DGKK: variants seen among roughly 807,000 people sequenced by gnomAD.
The protein encoded by DGKK is 142 kDa diacylglycerol kinase.
DGKK carries 35 observed loss-of-function variants against 92.2 expected under a neutral mutation model. The ratio of observed to expected loss-of-function variants is 0.38; its 90% CI spans 0.29 to 0.50. DGKK has a LOEUF of 0.50. DGKK is among the 20% of genes least tolerant of loss of function. The pLI, the probability that DGKK is intolerant of heterozygous loss-of-function variation, is 0.92. For synonymous variants in DGKK, 368 were observed against 360.6 expected (o/e 1.02, Z -0.23); for missense variants, 910 against 992.2 (o/e 0.92, Z 1.11).
chrX:50,383,462 A>G (rs5915425), intron 17 of DGKK, among the ~76,000 whole-genome samples: 28,498 of 111,307 alleles, frequency 0.26, 2,871 homozygotes, highest in Middle Eastern at 0.38. Context: ...TCTTAAATAA[A>G]TTATTTAAGA....
Position 50,376,844 on chromosome X carries a change from G to A in DGKK, c.3186C>T (p.Asp1062=). Residue 1062 remains aspartate (D), a synonymous_variant, in exon 23 of 28, where the codon GAC becomes GAT. Coordinates refer to ENST00000611977, the MANE Select transcript of DGKK (RefSeq NM_001013742.4). The stretch of plus-strand genomic sequence containing the variant: ...AGAGGCTCTCTTGAGAGTCCTGGAA[G>A]TCCAGCTGGGGTTGAGGGGCAGCTT... ...EIQAAPQPQL[D]FQDSQESLSD... 5 of 1,209,269 alleles carry A rather than the reference G, an allele frequency of 4.1e-6. No homozygotes were observed. Among genetic ancestry groups the A allele is most frequent in the Non-Finnish European group, 5.6e-6 (5 of 894,083 alleles).
chrX:50,417,251 T>C (rs921568881), intron 4 of DGKK, among the ~76,000 whole-genome samples: 1 of 110,203 alleles, frequency 9.1e-6, no homozygotes, highest in South Asian at 4.0e-4. Flanking sequence ...TTACAGTGAA[T>C]GTTGGAAAGT....
chrX:50,408,155 A>G (rs1557227462), intron 4 of DGKK, among the ~76,000 whole-genome samples: 1 of 111,821 alleles, frequency 8.9e-6, no homozygotes, highest in African/African-American at 3.2e-5. Context: ...TTGGTTCCAG[A>G]GGGTGGAGTT....
intron 4 of DGKK, among the ~76,000 whole-genome samples, chrX:50,414,085 T>C (rs1364527310): frequency 8.9e-6 from 1 of 112,067 alleles, no homozygotes; most frequent in African/African-American, 3.2e-5. Context: ...GAGGACATTA[T>C]GCTAAGTGAA....
Position 50,470,504 on chromosome X carries a change from G to T in DGKK, c.175C>A (p.Pro59Thr). ...GGACAGGGACCTGGAGCAAGCTCTG[G>T]ACAGGGCTCTGGTATGGGTTCTGGC... is the stretch of plus-strand genomic sequence containing the variant. ...ASPEPIPEPC[P>T]ELAPGPCPEA... The change falls in exon 1 of 28, where the codon CCA becomes ACA. Residue 59 changes from proline to threonine, a missense_variant. Pro to Thr is a conservative substitution (Grantham distance 38, BLOSUM62 -1). Transcript: ENST00000611977. 8.2e-7 allele frequency: 1 copy of T among 1,212,284 alleles called. No homozygotes were observed.
intron 16 of DGKK, 84 bp from the exon 17 acceptor site, chrX:50,384,348 G>T: frequency 1.6e-6 from 1 of 625,475 alleles, no homozygotes; most frequent in Non-Finnish European, 2.4e-6. Flanking sequence ...TATTTTCTCT[G>T]TGGAGGCAGG....
intron 1 of DGKK, among the ~76,000 whole-genome samples, chrX:50,446,383 G>T (rs1926307562): frequency 9.0e-6 from 1 of 111,210 alleles, no homozygotes; most frequent in Non-Finnish European, 1.9e-5. Flanking sequence ...GTAGCATTTG[G>T]TGTTGTCATT....
chrX:50,376,776 G>A lies in DGKK; in HGVS notation c.3254C>T (p.Ala1085Val). The A allele has an allele frequency of 8.4e-7, 1 of 1,192,930 alleles. No individual in the cohort carries two copies. The highest frequency in any genetic ancestry group is 1.1e-6 in the Non-Finnish European group (1 of 885,115). The change falls in exon 23 of 28, where the codon GCA becomes GTA. Residue 1085 changes from alanine to valine, a missense_variant. Coordinates refer to ENST00000611977, the MANE Select transcript of DGKK (RefSeq NM_001013742.4). ...CACTTACTTGCTGATGAGGTTTTCT[G>A]CAAGCCGAGCTAAGTGCTGCATCTG... is the stretch of plus-strand genomic sequence containing the variant. ...YAQMQHLARL[A>V]ENLISKLNDL... is the part of the protein sequence containing the mutation.
intron 4 of DGKK, among the ~76,000 whole-genome samples, chrX:50,416,296 A>C (rs1925433045): frequency 8.9e-6 from 1 of 112,169 alleles, no homozygotes. Context: ...TAGGGCAGCT[A>C]AGGGTACTTT....
chrX:50,441,179 T>A (rs782170690), intron 1 of DGKK, among the ~76,000 whole-genome samples: 5 of 111,606 alleles, frequency 4.5e-5, no homozygotes, highest in Non-Finnish European at 9.5e-5. Context: ...ACTGAAAACC[T>A]CATAAACTTT....
intron 27 of DGKK, 89 bp downstream of exon 27, chrX:50,370,337 C>T (rs1299570193): frequency 1.9e-6 from 2 of 1,073,126 alleles, no homozygotes; most frequent in Non-Finnish European, 2.5e-6. Context: ...TTCCCACAAA[C>T]ATTTCTAATG....
chrX:50,424,338 A>C lies in DGKK; in HGVS notation c.666T>G (p.Pro222=). The change falls in exon 2 of 28, where the codon CCT becomes CCG. Residue 222 remains proline (P), a synonymous_variant. Transcript: ENST00000611977. ...SRIKKILKEG[P]MLKNCNSFKR... ...TGAAAGAGTTACAGTTCTTCAGCAT[A>C]GGTCCTTCCTTCAATATTTTCTGAA... 1 of 1,210,025 alleles carries C rather than the reference A, an allele frequency of 8.3e-7. No homozygotes were observed. The highest frequency in any genetic ancestry group is 1.1e-6 in the Non-Finnish European group (1 of 894,063).
In DGKK at chrX:50,469,403, C is replaced by G. The variant is rs1380374347; in HGVS notation, c.645+631G>C. 2.7e-5 allele frequency among the ~76,000 whole-genome samples: 3 copies of G among 113,030 alleles called. No homozygotes were observed. The East Asian group carries it at 8.5e-4, about 32-fold the overall frequency. The stretch of plus-strand genomic sequence containing the variant: ...CACACGCATGCTCTCCCCCTCCTCC[C>G]GGAGAACCCTGCCCTTCCCCTGCAG... On this transcript the variant is annotated intron_variant, in intron 1 of 27. Transcript: ENST00000611977.
intron 4 of DGKK, among the ~76,000 whole-genome samples, chrX:50,411,301 G>A (rs1557227929): frequency 8.9e-6 from 1 of 111,978 alleles, no homozygotes; most frequent in African/African-American, 3.2e-5. Flanking sequence ...AAACACAGAT[G>A]CAAAAATCCT....
Position 50,403,057 on chromosome X carries a change from T to G in DGKK, c.1308+4A>C. ...TCTAAATATCAAGATGAGAAGAGTC[T>G]TACCGTAGAATTACACCACAGGCAG... On this transcript the variant is annotated splice_donor_region_variant and intron_variant, in intron 7 of 27. Coordinates refer to ENST00000611977, the MANE Select transcript of DGKK (RefSeq NM_001013742.4). The G allele has an allele frequency of 8.3e-7, 1 of 1,210,625 alleles. No homozygotes were observed. The highest frequency in any genetic ancestry group is 1.1e-6 in the Non-Finnish European group (1 of 894,883).
intron 20 of DGKK, among the ~76,000 whole-genome samples, chrX:50,379,039 G>A (rs1251096654): frequency 2.3e-4 from 26 of 112,241 alleles, no homozygotes; most frequent in Admixed American, 9.4e-4. Flanking sequence ...GGCCTTGGCC[G>A]GGCGCAGTGG....
chrX:50,398,658 T>C (rs1343615729), intron 8 of DGKK, among the ~76,000 whole-genome samples: 1 of 111,746 alleles, frequency 8.9e-6, no homozygotes, highest in Admixed American at 9.5e-5. Context: ...AGAAGTGATA[T>C]AGGATAGGAA....
intron 1 of DGKK, among the ~76,000 whole-genome samples, chrX:50,459,207 A>G (rs997090563): frequency 9.0e-6 from 1 of 111,605 alleles, no homozygotes; most frequent in Non-Finnish European, 1.9e-5. Flanking sequence ...ATGCCCATGT[A>G]ACAATCCTCC....
At chrX:50,390,521 G>T (rs1308182683) in intron 11 of DGKK, 112 bp from the exon 12 acceptor site, 11 of 629,376 alleles carry the variant, frequency 1.7e-5, no homozygotes, top group Middle Eastern at 3.3e-4. Context: ...GGGGGAGGTG[G>T]GTTGTAGGGG....
Sources: allele counts gnomAD v4.1 joint callset (sites outside exome capture counted in the v4.1 genomes callset), GRCh38; gene constraint gnomAD v4.1.1; transcripts MANE v1.5; gene names NCBI Gene and HGNC (gene_info 2026-07-23, HGNC 2026-07-21).